The following TOX3 variants were observed in gnomAD, a reference collection of about 807,000 sequenced individuals.
TOX3 encodes the protein TOX high mobility group box family member 3.
Under a neutral mutation model 64.3 loss-of-function variants are expected in TOX3, and 22 were observed. The observed-to-expected ratio is 0.34, with a 90% CI of 0.24 to 0.49. TOX3 has a LOEUF of 0.49. TOX3 is among the 20% of genes least tolerant of loss of function. The pLI is 0.99. For synonymous variants in TOX3, 291 were observed against 273.6 expected (o/e 1.06, Z -0.63); for missense variants, 661 against 714.4 (o/e 0.93, Z 0.85).
chr16:52,534,645 A>C (rs1011049225), intron 1 of TOX3, among the ~76,000 whole-genome samples: 1 of 152,238 alleles, frequency 6.6e-6, no homozygotes, highest in Non-Finnish European at 1.5e-5. Context: ...CTTAAAAAAA[A>C]CAAAAAAGAG....
At chr16:52,485,191 AGTGTGTGTGTATATGT>A (rs1961485434) in intron 1 of TOX3, among the ~76,000 whole-genome samples, 1 of 143,168 alleles carries the variant, frequency 7.0e-6, no homozygotes, top group Non-Finnish European at 1.5e-5. Context: ...GTGTATATGT[AGTGTGTGTGTATATGT>A]GTGTGTGTAT....
intron 1 of TOX3, among the ~76,000 whole-genome samples, chr16:52,518,724 A>T (rs760763161): frequency 6.6e-6 from 1 of 152,214 alleles, no homozygotes; most frequent in Admixed American, 6.5e-5. Context: ...CCTCATAGTA[A>T]TTTGGAATTG....
At chr16:52,485,149 G>A (rs1261225384) in intron 1 of TOX3, among the ~76,000 whole-genome samples, 4 of 91,016 alleles carry the variant, frequency 4.4e-5, no homozygotes, top group Non-Finnish European at 5.8e-5. Context: ...GTGTATATGT[G>A]TGTGTATATA....
chr16:52,489,634 C>T (rs549685475), intron 1 of TOX3, among the ~76,000 whole-genome samples: 24 of 152,268 alleles, frequency 1.6e-4, no homozygotes, highest in Admixed American at 1.4e-3. Flanking sequence ...GCATCAACCA[C>T]GAACACTCTC....
At chr16:52,544,127 A>C (rs753377766) in intron 1 of TOX3, among the ~76,000 whole-genome samples, 8 of 152,220 alleles carry the variant, frequency 5.3e-5, no homozygotes, top group Non-Finnish European at 1.2e-4. Flanking sequence ...TCAAAAGTTA[A>C]GTCTTTAGAG....
chr16:52,543,763 C>T lies in TOX3; in HGVS notation c.87+2874G>A, dbSNP rs148048446. On this transcript the variant is annotated intron_variant, in intron 1 of 6. Coordinates refer to ENST00000219746, the MANE Select transcript of TOX3 (RefSeq NM_001080430.4). ...TTTGAAGTTATTCTCCTACTTGCAA[C>T]GACTTTTGAACCCACAAAACTCTTT... 3.0e-3 allele frequency among the ~76,000 whole-genome samples: 464 copies of T among 152,228 alleles called. 1 individual carries two copies. The highest frequency in any genetic ancestry group is 9.9e-3 in the African/African-American group (413 of 41,548).
chr16:52,461,893 C>A (rs956247586), intron 3 of TOX3, among the ~76,000 whole-genome samples: 2 of 152,042 alleles, frequency 1.3e-5, no homozygotes, highest in South Asian at 4.1e-4. Flanking sequence ...ATGCCTCTGG[C>A]GATTCTGAAT....
At chr16:52,529,089 C>T (rs2151483235) in intron 1 of TOX3, among the ~76,000 whole-genome samples, 1 of 152,288 alleles carries the variant, frequency 6.6e-6, no homozygotes, top group South Asian at 2.1e-4. Context: ...TAGATCAATG[C>T]TGATTATGTC....
At chr16:52,541,900 T>C (rs1963084038) in intron 1 of TOX3, among the ~76,000 whole-genome samples, 1 of 152,154 alleles carries the variant, frequency 6.6e-6, no homozygotes. Flanking sequence ...AAGCTTCTCA[T>C]GGGCCCACAA....
chr16:52,450,335 G>A lies in TOX3; in HGVS notation c.620C>T (p.Ser207Leu). Residue 207 changes from serine to leucine, a missense_variant, in exon 4 of 7, where the codon TCA (serine) becomes TTA (leucine). Ser to Leu is a moderately radical substitution (Grantham distance 145, BLOSUM62 -2). Transcript: ENST00000219746. The stretch of plus-strand genomic sequence containing the variant: ...GGAGCTGGAAGGGGAGGGAGTGGCT[G>A]ATTTGCTTGCTGGAGGTGAAGGAGA... ...HTSPSPPASK[S>L]ATPSPSSSIN... 6.2e-7 allele frequency: 1 copy of A among 1,614,036 alleles called. No homozygotes were observed. The highest frequency in any genetic ancestry group is 8.5e-7 in the Non-Finnish European group (1 of 1,179,896).
intron 1 of TOX3, among the ~76,000 whole-genome samples, chr16:52,509,241 T>C (rs1962239276): frequency 6.6e-6 from 1 of 152,104 alleles, no homozygotes; most frequent in Non-Finnish European, 1.5e-5. Flanking sequence ...TTTTCCAACC[T>C]AAGAAAAAAC....
chr16:52,467,016 AGATATT>A (rs1475461002), intron 2 of TOX3, among the ~76,000 whole-genome samples: 1 of 152,222 alleles, frequency 6.6e-6, no homozygotes, highest in Non-Finnish European at 1.5e-5. Flanking sequence ...ATTTTTTTAC[AGATATT>A]GACTTTTCAA....
At chr16:52,545,537 C>T (rs1963155451) in intron 1 of TOX3, among the ~76,000 whole-genome samples, 1 of 152,332 alleles carries the variant, frequency 6.6e-6, no homozygotes, top group Admixed American at 6.5e-5. Context: ...TTTTGTTTAG[C>T]ACCTTTCTTT....
intron 1 of TOX3, among the ~76,000 whole-genome samples, chr16:52,512,337 A>G (rs1962333361): frequency 6.6e-6 from 1 of 152,334 alleles, no homozygotes; most frequent in East Asian, 1.9e-4. Flanking sequence ...TAGGAAGCTG[A>G]CAGATTGAAT....
In TOX3 at chr16:52,484,701, TAACAGTC is replaced by T. The variant is rs1159299057; in HGVS notation, c.88-16134_88-16128del. ...TCTAGCCCAGTGCAGAGAAATAAGA[TAACAGTC>T]AAATAACTACAGATATAAGTGAAAA... On this transcript the variant is annotated intron_variant, in intron 1 of 6. Coordinates refer to ENST00000219746, the MANE Select transcript of TOX3 (RefSeq NM_001080430.4). 7.9e-5 allele frequency among the ~76,000 whole-genome samples: 12 copies of T among 152,072 alleles called. No homozygotes were observed. The East Asian group carries it at 2.3e-3, about 29-fold the overall frequency.
At chr16:52,491,607 A>T (rs537561514) in intron 1 of TOX3, among the ~76,000 whole-genome samples, 2 of 152,284 alleles carry the variant, frequency 1.3e-5, no homozygotes, top group East Asian at 3.9e-4. Context: ...TTGGGTAATT[A>T]TTGGACTGAT....
chr16:52,542,371 G>A (rs1433743637), intron 1 of TOX3, among the ~76,000 whole-genome samples: 1 of 152,144 alleles, frequency 6.6e-6, no homozygotes, highest in Admixed American at 6.5e-5. Context: ...AAGACAAGAA[G>A]TACAAGAATC....
In TOX3 at chr16:52,464,180, G is replaced by T; in HGVS notation, c.162C>A (p.Phe54Leu). 2.0e-6 allele frequency: 3 copies of T among 1,525,760 alleles called. No individual in the cohort carries two copies. Among genetic ancestry groups the T allele is most frequent in the East Asian group, 2.4e-5 (1 of 41,594 alleles). The allele number at this position is 1,525,760 out of a possible 1,614,324, so 94.5% of individuals were successfully genotyped here. A position where few individuals can be genotyped will look rare whatever the true frequency, so the allele number is the denominator to read the frequency against. The change falls in exon 3 of 7, where the codon TTC (phenylalanine) becomes TTA (leucine). Residue 54 changes from phenylalanine (F) to leucine (L), a missense_variant. Coordinates refer to ENST00000219746, the MANE Select transcript of TOX3 (RefSeq NM_001080430.4). Reference protein sequence around the residue: ...NAFFAASEQTFHTPSLGDEEF... With the variant: ...NAFFAASEQTLHTPSLGDEEF... Reference sequence around the variant, plus strand: ...CCTCGTCCCCAAGGCTTGGTGTGTGGAATGTCTGCTAAAAGGAAACAAAAT... The same window carrying T: ...CCTCGTCCCCAAGGCTTGGTGTGTGTAATGTCTGCTAAAAGGAAACAAAAT...
intron 1 of TOX3, among the ~76,000 whole-genome samples, chr16:52,506,992 G>A (rs2151468575): frequency 6.6e-6 from 1 of 152,292 alleles, no homozygotes; most frequent in South Asian, 2.1e-4. Flanking sequence ...ACAGTTCAAA[G>A]CTGACAACAA....
Sources: allele counts gnomAD v4.1 joint callset (sites outside exome capture counted in the v4.1 genomes callset), GRCh38; gene constraint gnomAD v4.1.1; transcripts MANE v1.5; gene names NCBI Gene and HGNC (gene_info 2026-07-23, HGNC 2026-07-21).